The following EEF1E1 variants were observed in gnomAD, a reference collection of about 807,000 sequenced individuals.
EEF1E1 encodes the protein eukaryotic translation elongation factor 1 epsilon 1, also known as eukaryotic translation elongation factor 1 epsilon-1.
In EEF1E1, 19 loss-of-function variants were observed where a neutral mutation model predicts 19.9. The observed-to-expected ratio is 0.95, with a 90% CI of 0.66 to 1.40. The LOEUF (loss-of-function observed/expected upper bound fraction) is 1.40. Among genes scored for constraint, EEF1E1 ranks in the 40% most tolerant of loss-of-function variants. The pLI, the probability that EEF1E1 is intolerant of heterozygous loss-of-function variation, is 0.00. For missense variants in EEF1E1, 198 were observed against 202.2 expected, an observed-to-expected ratio of 0.98 and a Z score of 0.13; for synonymous variants, 81 against 80.0, an observed-to-expected ratio of 1.01 and a Z score of -0.07.
chr6:8,100,194 T>G (rs867689129), intron 1 of EEF1E1, among the ~76,000 whole-genome samples: 3 of 152,204 alleles, frequency 2.0e-5, no homozygotes, highest in South Asian at 2.1e-4. Flanking sequence ...AAACTGTAAT[T>G]TGGGGTTTAC....
intron 2 of EEF1E1, among the ~76,000 whole-genome samples, chr6:8,093,522 C>T (rs1758081130): frequency 6.6e-6 from 1 of 151,906 alleles, no homozygotes; most frequent in Non-Finnish European, 1.5e-5. Flanking sequence ...TTTTGTAATG[C>T]CTGCTTTTTG....
chr6:8,093,760 T>C (rs1758087456), intron 2 of EEF1E1, among the ~76,000 whole-genome samples: 1 of 151,738 alleles, frequency 6.6e-6, no homozygotes, highest in African/African-American at 2.4e-5. Context: ...ATAAGCAGTA[T>C]GAAAACGACA....
chr6:8,096,958 T>C (rs1006142413), intron 2 of EEF1E1, among the ~76,000 whole-genome samples: 1 of 152,214 alleles, frequency 6.6e-6, no homozygotes, highest in Non-Finnish European at 1.5e-5. Context: ...AAAAGTCATA[T>C]AATACTGTAA....
chr6:8,096,138 C>T (rs918922602), intron 2 of EEF1E1, among the ~76,000 whole-genome samples: 7 of 152,172 alleles, frequency 4.6e-5, no homozygotes, highest in African/African-American at 1.2e-4. Context: ...CTTCTAATAC[C>T]ACATCTATTA....
intron 1 of EEF1E1, among the ~76,000 whole-genome samples, chr6:8,101,243 A>AAAAAAATAT (rs1271033598): frequency 2.1e-4 from 12 of 58,470 alleles, no homozygotes; most frequent in East Asian, 5.3e-4. Flanking sequence ...AAAAAAAAAA[A>AAAAAAATAT]ATATATATAT....
chr6:8,102,389 C>T (rs779693841), intron 1 of EEF1E1, 46 bp downstream of exon 1: 1 of 1,581,200 alleles, frequency 6.3e-7, no homozygotes, highest in African/African-American at 1.4e-5. Flanking sequence ...TCGGCAGGCC[C>T]CGCTCCCGTC....
rs1757528268 is a variant in EEF1E1 at position 8,073,477 on chromosome 6, A to G, written c.418T>C (p.Ter140GlnextTer25). ...TCAGTTCCTTGTATGATGTTGGGTT[A>G]GTTCCCTACCTCTGTGTGCCTCAGC... Residue 140 changes from the stop codon to glutamine, a stop_lost, in exon 4 of 4, where the codon TAA becomes CAA. Transcript: ENST00000429723. The G allele has an allele frequency of 2.6e-6, 4 of 1,551,514 alleles. No individual in the cohort carries two copies. In the East Asian group the frequency reaches 9.8e-5, roughly 38 times the overall value.
intron 1 of EEF1E1, among the ~76,000 whole-genome samples, chr6:8,101,517 T>C (rs912564905): frequency 6.6e-6 from 1 of 151,560 alleles, no homozygotes; most frequent in Non-Finnish European, 1.5e-5. Context: ...TTTCTAGGCT[T>C]CAGGTTAACT....
intron 2 of EEF1E1, among the ~76,000 whole-genome samples, chr6:8,093,530 T>C (rs867785478): frequency 8.5e-5 from 13 of 152,132 alleles, no homozygotes; most frequent in Middle Eastern, 3.2e-3. Flanking sequence ...TGCCTGCTTT[T>C]TGAAATTATA....
At chr6:8,090,702 T>A (rs1335295696) in intron 2 of EEF1E1, among the ~76,000 whole-genome samples, 1 of 152,172 alleles carries the variant, frequency 6.6e-6, no homozygotes, top group African/African-American at 2.4e-5. Context: ...TTCACCCATT[T>A]CCCCTTGCCT....
chr6:8,099,848 C>A (rs1048296913), intron 1 of EEF1E1, among the ~76,000 whole-genome samples: 1 of 150,158 alleles, frequency 6.7e-6, no homozygotes, highest in African/African-American at 2.5e-5. Context: ...CCTAACAATG[C>A]ATTTCTTGAA....
rs1758202068 is a variant in EEF1E1 at position 8,097,303 on chromosome 6, C to T, written c.252G>A (p.Gly84=). ...TGTGGATGTCATTTTTACTGGAGTG[C>T]CCATCTACTTGAGTGACCCTGTATT... is the stretch of plus-strand genomic sequence containing the variant. The part of the protein sequence containing the change: ...WLEYRVTQVD[G]HSSKNDIHTL... Residue 84 remains glycine, a synonymous_variant, in exon 2 of 4, where the codon GGG becomes GGA. Transcript: ENST00000379715. The T allele has an allele frequency of 1.2e-6, 2 of 1,614,126 alleles. No individual in the cohort carries two copies. Among genetic ancestry groups the T allele is most frequent in the African/African-American group, 1.3e-5 (1 of 75,044 alleles).
intron 3 of EEF1E1, among the ~76,000 whole-genome samples, chr6:8,086,229 A>G (rs1158919486): frequency 6.6e-6 from 1 of 152,082 alleles, no homozygotes; most frequent in Non-Finnish European, 1.5e-5. Flanking sequence ...GGGTGAGGGG[A>G]AACTAAAAGG....
intron 1 of EEF1E1, chr6:8,102,197 C>G (rs991083863): frequency 1.4e-6 from 1 of 736,212 alleles, no homozygotes; most frequent in African/African-American, 1.9e-5. Context: ...TGACAATTTC[C>G]CAGGAGGTGA....
chr6:8,078,506 G>T, downstream of EEF1E1: 1 of 330,340 alleles, frequency 3.0e-6, no homozygotes. Flanking sequence ...TTACCAAAAT[G>T]TGACACAGAG....
intron 1 of EEF1E1, among the ~76,000 whole-genome samples, chr6:8,099,721 C>T (rs543590760): frequency 3.4e-5 from 5 of 145,670 alleles, no homozygotes; most frequent in South Asian, 2.2e-4. Context: ...CACTCCAGCC[C>T]GGGCAACAAG....
intron 2 of EEF1E1, among the ~76,000 whole-genome samples, chr6:8,093,157 C>T (rs183932701): frequency 3.9e-4 from 59 of 152,028 alleles, no homozygotes; most frequent in Non-Finnish European, 6.9e-4. Context: ...CAGGCGTGAG[C>T]CACCGTGCCC....
At chr6:8,078,718 TAAACA>T, downstream of EEF1E1, 2 of 1,286,268 alleles carry the variant, frequency 1.6e-6, no homozygotes, top group South Asian at 2.5e-5. Flanking sequence ...CATTTTCTTA[TAAACA>T]AAACAATCAT....
chr6:8,089,950 A>T, intron 3 of EEF1E1: 1 of 392,700 alleles, frequency 2.5e-6, no homozygotes, highest in Non-Finnish European at 4.5e-6. Flanking sequence ...TGAAAATGCA[A>T]ATCTGATTTA....
Sources: gnomAD v4.1 joint callset for allele counts (sites outside exome capture counted in the v4.1 genomes callset) on GRCh38, gnomAD v4.1.1 for gene constraint, MANE v1.5 for transcripts, NCBI Gene and HGNC (gene_info 2026-07-23, HGNC 2026-07-21) for gene names.